CEMIP: variants seen among roughly 807,000 people sequenced by gnomAD.
CEMIP encodes cell migration inducing hyaluronidase 1, also known as cell migration-inducing and hyaluronan-binding protein.
Under a neutral mutation model 156.9 loss-of-function variants are expected in CEMIP, and 105 were observed. The ratio of observed to expected loss-of-function variants is 0.67; its 90% CI spans 0.57 to 0.79. The LOEUF is 0.79. CEMIP is among the 30% of genes least tolerant of loss of function. The pLI, the probability that CEMIP is intolerant of heterozygous loss-of-function variation, is 0.00. For synonymous variants in CEMIP, 676 were observed against 668.4 expected (o/e 1.01, Z -0.17); for missense variants, 1,457 against 1,769.4 (o/e 0.82, Z 3.17).
intron 1 of CEMIP, among the ~76,000 whole-genome samples, chr15:80,788,279 T>C (rs1309584542): frequency 6.6e-6 from 1 of 152,022 alleles, no homozygotes; most frequent in Non-Finnish European, 1.5e-5. Flanking sequence ...GAAATGAGCC[T>C]GGCCAACATG....
chr15:80,862,817 G>T (rs1486578286), intron 1 of CEMIP, among the ~76,000 whole-genome samples: 1 of 152,244 alleles, frequency 6.6e-6, no homozygotes, highest in East Asian at 1.9e-4. Context: ...CACCCGTGGG[G>T]AGTCCCAGAA....
In CEMIP at chr15:80,943,035, T is replaced by C. The variant is rs147323629; in HGVS notation, c.3790T>C (p.Phe1264Leu). ...NQGRVVSHTSFRNSILQGIPW... is the reference protein window; with the variant it reads ...NQGRVVSHTSLRNSILQGIPW... The stretch of plus-strand genomic sequence containing the variant: ...AGGGCGCGTGGTGAGCCACACGAGC[T>C]TCAGGAACTCCATTCTGCAAGGCAT... Residue 1264 changes from phenylalanine (F) to leucine (L), a missense_variant, in exon 28 of 30, where the codon TTC (phenylalanine) becomes CTC (leucine). This residue lies in a region of CEMIP where 798 missense variants were observed against 980.1 expected (regional missense o/e 0.81). Coordinates refer to ENST00000394685, the MANE Select transcript of CEMIP (RefSeq NM_001293298.2). 4.2e-5 allele frequency: 68 copies of C among 1,614,202 alleles called. No homozygotes were observed. In the African/African-American group the frequency reaches 8.5e-4, roughly 20 times the overall value.
chr15:80,876,251 G>A (rs1321322006), intron 3 of CEMIP, among the ~76,000 whole-genome samples: 1 of 152,132 alleles, frequency 6.6e-6, no homozygotes, highest in African/African-American at 2.4e-5. Flanking sequence ...GGCCTCTACT[G>A]GAATCCAGCC....
rs558345036 is a variant in CEMIP at position 80,865,741 on chromosome 15, G to C, written c.-175-7797G>C. On this transcript the variant is annotated intron_variant, in intron 1 of 29. Coordinates refer to ENST00000394685, the MANE Select transcript of CEMIP (RefSeq NM_001293298.2). ...ATTCTTCTTCTTCCAGTATGGCCCA[G>C]GGAAACCAAAAGTTTGGACACCCTG... Among the ~76,000 whole-genome samples, 3 of 151,698 alleles carry C rather than the reference G, an allele frequency of 2.0e-5. No homozygotes were observed. In the South Asian group the frequency reaches 6.3e-4, roughly 32 times the overall value.
At chr15:80,841,122 G>C (rs1021598129) in intron 1 of CEMIP, among the ~76,000 whole-genome samples, 1 of 152,228 alleles carries the variant, frequency 6.6e-6, no homozygotes, top group Admixed American at 6.5e-5. Flanking sequence ...CCAGCTGATG[G>C]CTGCCATGTG....
chr15:80,835,478 GGCAGGGGCCCC>G (rs1003283710), intron 1 of CEMIP, among the ~76,000 whole-genome samples: 2 of 152,240 alleles, frequency 1.3e-5, no homozygotes, highest in Admixed American at 1.3e-4. Context: ...CTGGGTGATA[GGCAGGGGCCCC>G]GCATGGCCAC....
At chr15:80,887,881 T>A in intron 8 of CEMIP, 117 bp downstream of exon 8, 2 of 867,666 alleles carry the variant, frequency 2.3e-6, no homozygotes, top group Non-Finnish European at 3.8e-6. Context: ...TCCCAATGTC[T>A]AGATGAGTGA....
At chr15:80,900,857 C>T (rs1899499933) in intron 12 of CEMIP, 1 of 448,466 alleles carries the variant, frequency 2.2e-6, no homozygotes, top group Non-Finnish European at 4.5e-6. Flanking sequence ...TCTTAGGCTT[C>T]TCTTCCCCAG....
chr15:80,940,918 A>C (rs988162583), intron 25 of CEMIP, among the ~76,000 whole-genome samples: 1 of 152,168 alleles, frequency 6.6e-6, no homozygotes. Flanking sequence ...GGCATGGGGC[A>C]CAACAAGGTT....
chr15:80,805,938 T>A (rs1235799113), intron 1 of CEMIP, among the ~76,000 whole-genome samples: 1 of 152,190 alleles, frequency 6.6e-6, no homozygotes, highest in Admixed American at 6.5e-5. Flanking sequence ...GGGACATGAA[T>A]TTATTATTTT....
chr15:80,894,630 G>C (rs560455911), intron 10 of CEMIP, among the ~76,000 whole-genome samples: 1 of 152,280 alleles, frequency 6.6e-6, no homozygotes, highest in African/African-American at 2.4e-5. Context: ...GCTGTTCATG[G>C]TGCTGGTAGT....
intron 12 of CEMIP, among the ~76,000 whole-genome samples, chr15:80,899,108 G>A (rs1383378599): frequency 6.6e-6 from 1 of 151,942 alleles, no homozygotes; most frequent in Non-Finnish European, 1.5e-5. Context: ...AGCTACTCAG[G>A]AGGCTGAGGC....
chr15:80,874,765 A>T (rs73501084), intron 3 of CEMIP, among the ~76,000 whole-genome samples: 6,624 of 152,294 alleles, frequency 0.043, 512 homozygotes, highest in African/African-American at 0.15. Flanking sequence ...ACAGTGACAG[A>T]CAGGGACAAT....
chr15:80,936,568 G>A (rs945204833), intron 23 of CEMIP, 106 bp from the exon 24 acceptor site: 2 of 989,364 alleles, frequency 2.0e-6, no homozygotes, highest in South Asian at 2.6e-5. Context: ...TCTGTAAAGA[G>A]AAAGTGCCTT....
At chr15:80,833,743 A>G (rs1368429486) in intron 1 of CEMIP, among the ~76,000 whole-genome samples, 1 of 148,420 alleles carries the variant, frequency 6.7e-6, no homozygotes, top group Non-Finnish European at 1.5e-5. Context: ...ATCTCTGTTC[A>G]CTGCAATCTC....
At chr15:80,824,836 T>G (rs965985022) in intron 1 of CEMIP, among the ~76,000 whole-genome samples, 1 of 152,208 alleles carries the variant, frequency 6.6e-6, no homozygotes, top group African/African-American at 2.4e-5. Flanking sequence ...GGTTCCCACA[T>G]AGTAAGCAGA....
chr15:80,831,213 A>G (rs1897149075), intron 1 of CEMIP, among the ~76,000 whole-genome samples: 1 of 152,166 alleles, frequency 6.6e-6, no homozygotes, highest in South Asian at 2.1e-4. Context: ...GGTAGAGAGC[A>G]CTTTCCGTGA....
At chr15:80,881,540 C>T (rs896022803) in intron 6 of CEMIP, among the ~76,000 whole-genome samples, 25 of 151,386 alleles carry the variant, frequency 1.7e-4, no homozygotes, top group African/African-American at 5.6e-4. Flanking sequence ...ACAGCAAGTG[C>T]AGAAGGCCGG....
At chr15:80,784,929 C>T (rs565276332) in intron 1 of CEMIP, among the ~76,000 whole-genome samples, 16 of 152,096 alleles carry the variant, frequency 1.1e-4, no homozygotes, top group Non-Finnish European at 1.9e-4. Context: ...TCCCGTTGTC[C>T]GAGTTGAGGA....
Sources: allele counts gnomAD v4.1 joint callset (sites outside exome capture counted in the v4.1 genomes callset), GRCh38; gene constraint gnomAD v4.1.1; regional missense constraint gnomAD v4.1.1; transcripts MANE v1.5; gene names NCBI Gene and HGNC (gene_info 2026-07-23, HGNC 2026-07-21).